The following MTUS1 variants were observed in gnomAD, a reference collection of about 807,000 sequenced individuals.
MTUS1 encodes microtubule-associated tumor suppressor 1.
Under a neutral mutation model 120.8 loss-of-function variants are expected in MTUS1, and 109 were observed. The ratio of observed to expected loss-of-function variants is 0.90; its 90% CI spans 0.77 to 1.06. The LOEUF is 1.06. MTUS1 is among the 50% of genes least tolerant of loss of function. The probability of loss-of-function intolerance (pLI) is 0.00; values close to 1 mark genes in which losing one functional copy is unlikely to be tolerated. For missense variants in MTUS1, 2,210 were observed against 1,486.3 expected (o/e 1.49, Z -8.01); for synonymous variants, 737 against 550.5 (o/e 1.34, Z -4.74).
rs773905309 is a variant in MTUS1, at chr8:17,754,267, AC to A, written c.1540del (p.Val514LeufsTer32). ...RPNFKNVKAK[V>X]MSRAVLQPKD... ...GGGCTGCAACACTGCTCTAGACATA[AC>A]TTTTGCTTTGACATTCTTGAAGTTT... On this transcript the variant is annotated frameshift_variant, in exon 2 of 15. Transcript: ENST00000693296. LOFTEE classifies it high-confidence loss of function. The A allele has an allele frequency of 5.2e-5, 84 of 1,613,838 alleles. 2 individuals are homozygous for A. In the South Asian group the frequency reaches 9.1e-4, roughly 18 times the overall value.
intron 1 of MTUS1, among the ~76,000 whole-genome samples, chr8:17,768,025 C>T (rs977057565): frequency 2.6e-5 from 4 of 152,108 alleles, no homozygotes; most frequent in African/African-American, 9.7e-5. Context: ...TGTCCTCTGC[C>T]CTGAGCAGCA....
intron 8 of MTUS1, among the ~76,000 whole-genome samples, chr8:17,658,900 C>T (rs551583043): frequency 6.6e-6 from 1 of 152,104 alleles, no homozygotes; most frequent in South Asian, 2.1e-4. Context: ...GGAATAGTGT[C>T]TGCCAAAGAG....
intron 6 of MTUS1, among the ~76,000 whole-genome samples, chr8:17,694,643 A>G (rs377595819): frequency 3.3e-5 from 5 of 152,212 alleles, no homozygotes; most frequent in South Asian, 4.1e-4. Context: ...ACTCCAGCCT[A>G]GGCAACAGAG....
intron 8 of MTUS1, among the ~76,000 whole-genome samples, chr8:17,656,388 C>G (rs1407030473): frequency 1.3e-5 from 2 of 151,916 alleles, no homozygotes; most frequent in Admixed American, 6.6e-5. Context: ...ATTAGCCGGG[C>G]ATGGTAGCAG....
At chr8:17,723,079 T>G (rs2045953604) in intron 4 of MTUS1, among the ~76,000 whole-genome samples, 1 of 152,202 alleles carries the variant, frequency 6.6e-6, no homozygotes, top group Non-Finnish European at 1.5e-5. Context: ...CACTCCAAGA[T>G]GGTTTAAATT....
chr8:17,772,184 T>A (rs1475539685), intron 1 of MTUS1, among the ~76,000 whole-genome samples: 1 of 152,216 alleles, frequency 6.6e-6, no homozygotes, highest in African/African-American at 2.4e-5. Flanking sequence ...TGAAATGGCA[T>A]GAATACTGCA....
chr8:17,654,776 C>A, intron 9 of MTUS1, 110 bp from the exon 10 acceptor site: 1 of 738,854 alleles, frequency 1.4e-6, no homozygotes, highest in Non-Finnish European at 2.3e-6. Context: ...TAAGCGTGGG[C>A]TCTAGTTTAA....
chr8:17,645,708 TA>T lies in MTUS1; in HGVS notation c.*217del. The stretch of plus-strand genomic sequence containing the variant: ...CCGTGTCGATGCCGAAATCTTTTTT[TA>T]AATCTTTTTTTGGAGGAATCTTTTG... On this transcript the variant is annotated 3_prime_UTR_variant, in exon 15 of 15. Transcript: ENST00000693296. The T allele has an allele frequency of 1.8e-6, 1 of 545,254 alleles. No homozygotes were observed. Among genetic ancestry groups the T allele is most frequent in the Non-Finnish European group, 3.0e-6 (1 of 332,250 alleles). The allele number at this position is 545,254 out of a possible 1,614,324, so 33.8% of individuals were successfully genotyped here.
intron 8 of MTUS1, among the ~76,000 whole-genome samples, chr8:17,659,265 C>A (rs923965105): frequency 6.6e-6 from 1 of 152,146 alleles, no homozygotes; most frequent in South Asian, 2.1e-4. Context: ...CTGGAAGAGA[C>A]AACAGACAGA....
In MTUS1 at chr8:17,754,878, G is replaced by T; in HGVS notation, c.930C>A (p.Phe310Leu). ...TGGATTCATCATGGGATAAACAAAA[G>T]AACTCTTGTAATGCAGAATCATTGG... Reference protein sequence around the residue: ...EVPNDSALQEFFCLSHDESNS... With the variant: ...EVPNDSALQELFCLSHDESNS... Residue 310 changes from phenylalanine (F) to leucine (L), a missense_variant, in exon 2 of 15, where the codon TTC (phenylalanine) becomes TTA (leucine). Physicochemically the swap from Phe to Leu is conservative, Grantham distance 22. Transcript: ENST00000693296. The T allele has an allele frequency of 5.0e-6, 8 of 1,614,242 alleles. No individual in the cohort carries two copies. Among genetic ancestry groups the T allele is most frequent in the Non-Finnish European group, 5.9e-6 (7 of 1,180,034 alleles).
intron 6 of MTUS1, among the ~76,000 whole-genome samples, chr8:17,692,725 G>GCTTA (rs1280230851): frequency 1.3e-5 from 2 of 152,022 alleles, no homozygotes; most frequent in African/African-American, 2.4e-5. Context: ...TGGGTGCTGG[G>GCTTA]CTTAATACTT....
At chr8:17,646,523 G>A (rs533278125) in intron 14 of MTUS1, among the ~76,000 whole-genome samples, 5 of 152,288 alleles carry the variant, frequency 3.3e-5, no homozygotes, top group Admixed American at 1.3e-4. Context: ...AGGAGGTGGA[G>A]GCTGCAGTAA....
chr8:17,769,230 T>TC (rs1273963306), intron 1 of MTUS1, among the ~76,000 whole-genome samples: 2 of 98,816 alleles, frequency 2.0e-5, no homozygotes, highest in Non-Finnish European at 4.1e-5. Flanking sequence ...ATGCTTTTAT[T>TC]CCTTTTTTTT....
chr8:17,734,580 G>C (rs2046804867), intron 3 of MTUS1, among the ~76,000 whole-genome samples: 1 of 152,248 alleles, frequency 6.6e-6, no homozygotes, highest in East Asian at 1.9e-4. Flanking sequence ...GTGGCTTCAG[G>C]TGGGGATTAA....
chr8:17,778,585 G>A (rs767356474), intron 1 of MTUS1, among the ~76,000 whole-genome samples: 3 of 152,056 alleles, frequency 2.0e-5, no homozygotes, highest in Admixed American at 6.5e-5. Context: ...GGAGGGAGGA[G>A]GCAGGCGGAT....
chr8:17,776,415 G>C (rs2050437093), intron 1 of MTUS1, among the ~76,000 whole-genome samples: 1 of 152,016 alleles, frequency 6.6e-6, no homozygotes, highest in Non-Finnish European at 1.5e-5. Context: ...GCCCAGTGCA[G>C]TCAGGCCTGT....
At position 17,644,018 on chromosome 8, in the gene MTUS1, T is replaced by TTAAC. The variant is rs889190556; in HGVS notation, c.*1904_*1907dup. The TTAAC allele has an allele frequency of 6.6e-6, 1 of 152,260 alleles. No homozygotes were observed. The highest frequency in any genetic ancestry group is 1.5e-5 in the Non-Finnish European group (1 of 68,044). The allele number at this position is 152,260 out of a possible 1,614,324, so 9.4% of individuals were successfully genotyped here. On this transcript the variant is annotated 3_prime_UTR_variant, in exon 15 of 15. Coordinates refer to ENST00000693296, the MANE Select transcript of MTUS1 (RefSeq NM_001363059.2). ...TCCCATCCTCCAAAGATGTTTTATA[T>TTAAC]TAACTGCTATGAGATTTATTTGCCG...
intron 7 of MTUS1, among the ~76,000 whole-genome samples, chr8:17,679,484 T>C (rs1813849266): frequency 3.3e-5 from 1 of 30,118 alleles, no homozygotes; most frequent in African/African-American, 7.3e-5. Context: ...CCAACTATTT[T>C]TATTTTATTT....
intron 7 of MTUS1, among the ~76,000 whole-genome samples, chr8:17,677,266 G>A (rs1813321455): frequency 6.6e-6 from 1 of 152,142 alleles, no homozygotes; most frequent in Non-Finnish European, 1.5e-5. Flanking sequence ...ATTTAAGCCT[G>A]AATTTTGTTT....
Sources: gnomAD v4.1 joint callset for allele counts (sites outside exome capture counted in the v4.1 genomes callset) on GRCh38, gnomAD v4.1.1 for gene constraint, MANE v1.5 for transcripts, NCBI Gene and HGNC (gene_info 2026-07-23, HGNC 2026-07-21) for gene names.